Variants in CCDC88C observed in about 807,000 individuals in gnomAD.
The protein encoded by CCDC88C is protein Daple.
A neutral mutation model predicts 198.8 loss-of-function variants in CCDC88C; 131 were observed. That is an observed-to-expected ratio of 0.66 (90% CI 0.57 to 0.76). The LOEUF is 0.76. CCDC88C is among the 30% of genes least tolerant of loss of function. CCDC88C has a pLI of 0.00. For missense variants in CCDC88C, 2,553 were observed against 2,631.6 expected (o/e 0.97, Z 0.65); for synonymous variants, 1,166 against 1,114.7 (o/e 1.05, Z -0.92).
At chr14:91,372,020 T>C (rs8021310) in intron 3 of CCDC88C, among the ~76,000 whole-genome samples, 24,319 of 152,032 alleles carry the variant, frequency 0.16, 2,330 homozygotes, top group African/African-American at 0.26. Flanking sequence ...GGCCTCAGGG[T>C]ACGAGCACCA....
At chr14:91,310,442 T>G (rs1891770179) in intron 15 of CCDC88C, among the ~76,000 whole-genome samples, 1 of 152,164 alleles carries the variant, frequency 6.6e-6, no homozygotes, top group Non-Finnish European at 1.5e-5. Flanking sequence ...AGACAGCGTC[T>G]TGCTTGGTTG....
intron 3 of CCDC88C, chr14:91,379,845 T>C: frequency 1.4e-6 from 1 of 703,040 alleles, no homozygotes; most frequent in Non-Finnish European, 2.6e-6. Context: ...AAACGCTGTG[T>C]CTGCCCGCAA....
chr14:91,394,958 G>A (rs377463877), intron 3 of CCDC88C, among the ~76,000 whole-genome samples: 58 of 152,222 alleles, frequency 3.8e-4, no homozygotes, highest in African/African-American at 1.3e-3. Context: ...TCTGCCAGAC[G>A]GGTGGGCATC....
chr14:91,293,581 T>TCACCTGCCACAGCCCACCTTCCTGC (rs1567055999), intron 23 of CCDC88C, among the ~76,000 whole-genome samples: 1 of 27,946 alleles, frequency 3.6e-5, no homozygotes, highest in Non-Finnish European at 7.5e-5. Flanking sequence ...CACCTTCCTG[T>TCACCTGCCACAGCCCACCTTCCTGC]CCCCTCGCCT....
At chr14:91,337,721 C>T (rs1237212813) in intron 10 of CCDC88C, among the ~76,000 whole-genome samples, 5 of 152,224 alleles carry the variant, frequency 3.3e-5, no homozygotes, top group Non-Finnish European at 7.3e-5. Context: ...AAGACGCACA[C>T]GGATAGAAGG....
At chr14:91,389,844 G>A (rs370116649) in intron 3 of CCDC88C, among the ~76,000 whole-genome samples, 51 of 152,020 alleles carry the variant, frequency 3.4e-4, no homozygotes, top group African/African-American at 1.0e-3. Context: ...AGGCCGAGGC[G>A]GGCGGATCAC....
chr14:91,377,637 G>A (rs951836877), intron 3 of CCDC88C, among the ~76,000 whole-genome samples: 2 of 152,134 alleles, frequency 1.3e-5, no homozygotes, highest in Non-Finnish European at 2.9e-5. Flanking sequence ...TAAGAACCAT[G>A]GTGGGGAGGG....
At chr14:91,315,185 G>A (rs2139809477) in intron 14 of CCDC88C, among the ~76,000 whole-genome samples, 1 of 152,210 alleles carries the variant, frequency 6.6e-6, no homozygotes, top group Middle Eastern at 3.4e-3. Flanking sequence ...TGGCAGAGCT[G>A]TAGGCAAGAG....
At chr14:91,397,464 TCACACTCA>T (rs1200665997) in intron 3 of CCDC88C, among the ~76,000 whole-genome samples, 3 of 151,534 alleles carry the variant, frequency 2.0e-5, no homozygotes, top group African/African-American at 4.8e-5. Context: ...ACACACACTC[TCACACTCA>T]CACACTCTCA....
intron 3 of CCDC88C, among the ~76,000 whole-genome samples, chr14:91,368,753 G>T (rs1894651940): frequency 6.6e-6 from 1 of 152,140 alleles, no homozygotes; most frequent in Non-Finnish European, 1.5e-5. Flanking sequence ...TCCTTTGCAG[G>T]TGTTGGAACG....
intron 15 of CCDC88C, among the ~76,000 whole-genome samples, chr14:91,312,772 C>A (rs549925578): frequency 4.7e-5 from 7 of 149,102 alleles, no homozygotes; most frequent in Non-Finnish European, 8.8e-5. Flanking sequence ...TAACAAAAAC[C>A]ACAACATAAT....
At chr14:91,391,545 G>A (rs1056217008) in intron 3 of CCDC88C, among the ~76,000 whole-genome samples, 4 of 152,146 alleles carry the variant, frequency 2.6e-5, no homozygotes, top group South Asian at 2.1e-4. Context: ...TTGGGAGGCC[G>A]AGGCGGGCAG....
Position 91,371,382 on chromosome 14 carries a change from T to G in CCDC88C, c.271-11671A>C, listed in dbSNP as rs1232960269. ...ACTACGGTATGCATGCAGGGTGGGC[T>G]GGGACAGGCATGACCCCCCCAGCCA... On this transcript the variant is annotated intron_variant, in intron 3 of 29. Coordinates refer to ENST00000389857, the MANE Select transcript of CCDC88C (RefSeq NM_001080414.4). The surrounding 1 kb of genome is among the most constrained non-coding windows in gnomAD (Gnocchi z 4.2). Among the ~76,000 whole-genome samples, 2 of 151,218 alleles carry G rather than the reference T, an allele frequency of 1.3e-5. No individual in the cohort carries two copies. Among genetic ancestry groups the G allele is most frequent in the Admixed American group, 6.5e-5 (1 of 15,274 alleles).
chr14:91,376,135 C>T (rs1225182446), intron 3 of CCDC88C, among the ~76,000 whole-genome samples: 1 of 138,306 alleles, frequency 7.2e-6, no homozygotes, highest in Non-Finnish European at 1.5e-5. Context: ...AAAGGCCACA[C>T]TTGTCACTCC....
intron 3 of CCDC88C, among the ~76,000 whole-genome samples, chr14:91,380,465 T>C (rs1271522566): frequency 6.6e-6 from 1 of 152,202 alleles, no homozygotes; most frequent in African/African-American, 2.4e-5. Flanking sequence ...ATTTTTATTG[T>C]GAAAAGTCTC....
At chr14:91,300,789 C>A (rs1269457230) in intron 20 of CCDC88C, among the ~76,000 whole-genome samples, 3 of 152,202 alleles carry the variant, frequency 2.0e-5, no homozygotes, top group Non-Finnish European at 4.4e-5. Flanking sequence ...ATGATGTAGC[C>A]CCATAGGTCC....
intron 10 of CCDC88C, among the ~76,000 whole-genome samples, chr14:91,336,293 G>A (rs951979751): frequency 2.0e-5 from 3 of 152,200 alleles, no homozygotes; most frequent in African/African-American, 7.2e-5. Context: ...GTGCTGGGCA[G>A]ACGCGTCTAT....
At chr14:91,383,225 C>A (rs1884913100) in intron 3 of CCDC88C, among the ~76,000 whole-genome samples, 1 of 150,686 alleles carries the variant, frequency 6.6e-6, no homozygotes, top group Admixed American at 6.6e-5. Context: ...CGAACCCTGG[C>A]TCTGCCAGGC....
chr14:91,356,192 C>G (rs1175964480), intron 4 of CCDC88C, among the ~76,000 whole-genome samples: 2 of 152,238 alleles, frequency 1.3e-5, no homozygotes, highest in Non-Finnish European at 2.9e-5. Flanking sequence ...CCCTCTGCCC[C>G]TAGCACTGGT....
Sources: gnomAD v4.1 joint callset for allele counts (sites outside exome capture counted in the v4.1 genomes callset) on GRCh38, gnomAD v4.1.1 for gene constraint, Gnocchi (gnomAD v3.1) non-coding constraint, MANE v1.5 for transcripts, NCBI Gene and HGNC (gene_info 2026-07-23, HGNC 2026-07-21) for gene names.